Variants in SULF1 observed in about 807,000 individuals in gnomAD.
SULF1 encodes extracellular sulfatase Sulf-1.
Under a neutral mutation model 110.5 loss-of-function variants are expected in SULF1, and 46 were observed. The observed-to-expected ratio is 0.42, with a 90% CI of 0.33 to 0.53. SULF1 has a LOEUF of 0.53. Ranked by LOEUF, SULF1 falls within the 20% of genes least tolerant of loss-of-function variation. SULF1 has a pLI of 0.12. For synonymous variants in SULF1, 371 were observed against 387.1 expected, an observed-to-expected ratio of 0.96 and a Z score of 0.49; for missense variants, 941 against 1,094.2, an observed-to-expected ratio of 0.86 and a Z score of 1.98.
intron 6 of SULF1, among the ~76,000 whole-genome samples, chr8:69,578,419 T>G (rs546247619): frequency 1.3e-5 from 2 of 152,068 alleles, no homozygotes; most frequent in East Asian, 3.9e-4. Flanking sequence ...TAGTTACATA[T>G]GTATACATGT....
chr8:69,606,499 A>G lies in SULF1; in HGVS notation c.1377+1567A>G, dbSNP rs981568682. 8.5e-5 allele frequency among the ~76,000 whole-genome samples: 13 copies of G among 152,322 alleles called. No homozygotes were observed. The East Asian group carries it at 1.9e-3, about 23-fold the overall frequency. ...GAGTTGCAAATGTTCAGTGTTAAATATATCTCATGCAAATTGGTGATCTTG... is the reference window on the plus strand; with the variant it reads ...GAGTTGCAAATGTTCAGTGTTAAATGTATCTCATGCAAATTGGTGATCTTG... On this transcript the variant is annotated intron_variant, in intron 13 of 22. Coordinates refer to ENST00000402687, the MANE Select transcript of SULF1 (RefSeq NM_001128205.2).
upstream of SULF1, among the ~76,000 whole-genome samples, chr8:69,489,457 T>C (rs1809827924): frequency 6.6e-6 from 1 of 151,878 alleles, no homozygotes; most frequent in Non-Finnish European, 1.5e-5. Context: ...AATTTTAGTC[T>C]GTCACAAGGT....
At chr8:69,540,731 T>G (rs1362960351) in intron 3 of SULF1, among the ~76,000 whole-genome samples, 2 of 152,204 alleles carry the variant, frequency 1.3e-5, no homozygotes, top group Non-Finnish European at 2.9e-5. Flanking sequence ...AGGGCTCCAC[T>G]TGAGATACAT....
chr8:69,561,803 C>T (rs1815502699), intron 3 of SULF1, among the ~76,000 whole-genome samples: 1 of 152,148 alleles, frequency 6.6e-6, no homozygotes, highest in South Asian at 2.1e-4. Flanking sequence ...TTAGCCTGAC[C>T]CATGCTTTGT....
At chr8:69,468,780 A>G (rs552277395) in intron 1 of SULF1, among the ~76,000 whole-genome samples, 6 of 152,232 alleles carry the variant, frequency 3.9e-5, no homozygotes, top group African/African-American at 9.6e-5. Flanking sequence ...TACTGCAGAA[A>G]TATTTCACAA....
At chr8:69,595,041 C>A (rs1047907592) in intron 8 of SULF1, among the ~76,000 whole-genome samples, 1 of 152,088 alleles carries the variant, frequency 6.6e-6, no homozygotes, top group African/African-American at 2.4e-5. Context: ...ATATGTTCAC[C>A]TCACTAAATA....
At chr8:69,520,942 T>C (rs1001862994) in intron 3 of SULF1, among the ~76,000 whole-genome samples, 2 of 152,132 alleles carry the variant, frequency 1.3e-5, no homozygotes, top group Non-Finnish European at 2.9e-5. Flanking sequence ...TCTTATAATG[T>C]CCCCAGAGTA....
Position 69,553,183 on chromosome 8 carries a change from G to T in SULF1, c.-133-10356G>T, listed in dbSNP as rs532961109. The stretch of plus-strand genomic sequence containing the variant: ...TGAAGCCATATTCCAAGGAGAAAAA[G>T]CAGAAAGCAGATGGCCTGCATGCCA... On this transcript the variant is annotated intron_variant, in intron 3 of 22. Coordinates refer to ENST00000402687, the MANE Select transcript of SULF1 (RefSeq NM_001128205.2). Among the ~76,000 whole-genome samples the T allele has an allele frequency of 2.0e-5, 3 of 152,318 alleles. 1 individual carries two copies. The East Asian group carries it at 5.8e-4, about 29-fold the overall frequency.
At chr8:69,479,846 A>G (rs958824933) in intron 1 of SULF1, among the ~76,000 whole-genome samples, 2 of 152,134 alleles carry the variant, frequency 1.3e-5, no homozygotes, top group African/African-American at 4.8e-5. Context: ...GGTAAATTCT[A>G]CCGGGATGAA....
At chr8:69,656,529 G>T (rs1812746860) in intron 22 of SULF1, among the ~76,000 whole-genome samples, 1 of 152,136 alleles carries the variant, frequency 6.6e-6, no homozygotes, top group African/African-American at 2.4e-5. Context: ...GTGTCCATGT[G>T]TTCTCAATGT....
chr8:69,638,309 A>G, intron 19 of SULF1, 193 bp from the exon 20 acceptor site: 3 of 652,090 alleles, frequency 4.6e-6, no homozygotes, highest in Non-Finnish European at 5.1e-6. Context: ...CTTTTTTCCC[A>G]TTTTCACCTA....
intron 3 of SULF1, among the ~76,000 whole-genome samples, chr8:69,537,345 G>T (rs1361834178): frequency 1.3e-5 from 2 of 152,102 alleles, no homozygotes; most frequent in African/African-American, 2.4e-5. Context: ...AAGGTATCAG[G>T]CACTTTAAGA....
intron 3 of SULF1, among the ~76,000 whole-genome samples, chr8:69,552,046 C>T (rs1001509897): frequency 3.3e-5 from 5 of 152,124 alleles, no homozygotes; most frequent in African/African-American, 1.2e-4. Context: ...GAGCTGAGAT[C>T]GCCGCCACTG....
chr8:69,653,230 C>T (rs1461842070), intron 22 of SULF1, among the ~76,000 whole-genome samples: 2 of 152,034 alleles, frequency 1.3e-5, no homozygotes, highest in Non-Finnish European at 2.9e-5. Flanking sequence ...CCACCACACT[C>T]AGCTAATTTT....
At chr8:69,522,243 G>T (rs1028473962) in intron 3 of SULF1, among the ~76,000 whole-genome samples, 6 of 152,006 alleles carry the variant, frequency 3.9e-5, no homozygotes, top group Non-Finnish European at 5.9e-5. Context: ...TAGAGATGGG[G>T]TTTCACCATG....
intron 2 of SULF1, among the ~76,000 whole-genome samples, chr8:69,498,807 C>T (rs1810577115): frequency 6.6e-6 from 1 of 152,150 alleles, no homozygotes; most frequent in South Asian, 2.1e-4. Flanking sequence ...AGAAGCTGGC[C>T]TGAGGAAACA....
At chr8:69,611,038 G>A (rs1808613218) in intron 13 of SULF1, among the ~76,000 whole-genome samples, 1 of 152,234 alleles carries the variant, frequency 6.6e-6, no homozygotes, top group Non-Finnish European at 1.5e-5. Context: ...CTTTTCATCA[G>A]TATCCTGATC....
chr8:69,624,326 A>G (rs574744616), intron 15 of SULF1, 129 bp downstream of exon 15: 4 of 1,233,996 alleles, frequency 3.2e-6, no homozygotes, highest in Non-Finnish European at 3.3e-6. Context: ...GGGCTGGCCT[A>G]TGTAGCAACT....
chr8:69,549,528 C>A (rs1350845832), intron 3 of SULF1, among the ~76,000 whole-genome samples: 1 of 150,650 alleles, frequency 6.6e-6, no homozygotes, highest in Admixed American at 6.6e-5. Flanking sequence ...AGCCAGGATG[C>A]CTGGCCTCAT....
Sources: gnomAD v4.1 joint callset for allele counts (sites outside exome capture counted in the v4.1 genomes callset) on GRCh38, gnomAD v4.1.1 for gene constraint, MANE v1.5 for transcripts, NCBI Gene and HGNC (gene_info 2026-07-23, HGNC 2026-07-21) for gene names.